The following ANKRD17 variants were observed in gnomAD, a reference collection of about 807,000 sequenced individuals.
ANKRD17 encodes the protein ankyrin repeat domain-containing protein 17.
Under a neutral mutation model 229.7 loss-of-function variants are expected in ANKRD17, and 19 were observed. The observed-to-expected ratio is 0.08, with a 90% CI of 0.06 to 0.12. The LOEUF (loss-of-function observed/expected upper bound fraction) is 0.12, where lower values mean the gene tolerates loss of function less well. ANKRD17 is among the 10% of genes least tolerant of loss of function. The pLI is 1.00. For synonymous variants in ANKRD17, 1,112 were observed against 1,146.1 expected (o/e 0.97, Z 0.60); for missense variants, 2,176 against 3,176.8 (o/e 0.68, Z 7.57).
At chr4:73,113,371 CA>C in intron 24 of ANKRD17, 1 of 1,289,606 alleles carries the variant, frequency 7.8e-7, no homozygotes, top group Non-Finnish European at 1.0e-6. Context: ...TTTGACATTC[CA>C]AGATTTGTAT....
intron 1 of ANKRD17, among the ~76,000 whole-genome samples, chr4:73,217,317 A>T (rs772228032): frequency 6.6e-5 from 10 of 152,138 alleles, no homozygotes; most frequent in Non-Finnish European, 1.2e-4. Context: ...CTTTACAGGG[A>T]TTAACTAACA....
chr4:73,239,947 T>C (rs894169605), intron 1 of ANKRD17, among the ~76,000 whole-genome samples: 6 of 152,232 alleles, frequency 3.9e-5, no homozygotes, highest in African/African-American at 1.4e-4. Flanking sequence ...ATCTACATTG[T>C]ATCTTATACA....
chr4:73,093,992 A>G, intron 28 of ANKRD17, 87 bp downstream of exon 28: 1 of 1,279,978 alleles, frequency 7.8e-7, no homozygotes, highest in South Asian at 1.4e-5. Flanking sequence ...TGTAACACAA[A>G]GTTCCACTGA....
chr4:73,240,944 G>T (rs1743971946), intron 1 of ANKRD17, among the ~76,000 whole-genome samples: 1 of 151,546 alleles, frequency 6.6e-6, no homozygotes, highest in Non-Finnish European at 1.5e-5. Context: ...GAGTAGCTGG[G>T]ACTACAGGAG....
At chr4:73,163,029 CTTTTTTT>C (rs769597979) in intron 2 of ANKRD17, among the ~76,000 whole-genome samples, 1 of 135,826 alleles carries the variant, frequency 7.4e-6, no homozygotes, top group Non-Finnish European at 1.6e-5. Flanking sequence ...TGGCTAATTG[CTTTTTTT>C]TTTTTTTTTG....
chr4:73,129,188 A>G (rs1727859051), intron 16 of ANKRD17, among the ~76,000 whole-genome samples: 1 of 152,210 alleles, frequency 6.6e-6, no homozygotes, highest in Non-Finnish European at 1.5e-5. Flanking sequence ...ATGCCATAAT[A>G]TATACACCAT....
At chr4:73,218,402 G>C (rs1741383815) in intron 1 of ANKRD17, among the ~76,000 whole-genome samples, 1 of 152,096 alleles carries the variant, frequency 6.6e-6, no homozygotes, top group Admixed American at 6.5e-5. Context: ...GAGCACTTTG[G>C]GAGGCCGAGG....
intron 1 of ANKRD17, among the ~76,000 whole-genome samples, chr4:73,242,649 G>A (rs369635045): frequency 2.0e-5 from 3 of 152,182 alleles, no homozygotes; most frequent in African/African-American, 7.2e-5. Context: ...TCTTGAGAAA[G>A]AAGCTCAATG....
intron 24 of ANKRD17, among the ~76,000 whole-genome samples, chr4:73,105,843 C>T: frequency 6.6e-6 from 1 of 152,244 alleles, no homozygotes; most frequent in East Asian, 1.9e-4. Flanking sequence ...TCTGCCTTGA[C>T]TGAAGCTGTA....
intron 16 of ANKRD17, among the ~76,000 whole-genome samples, chr4:73,134,042 G>T (rs1728586749): frequency 6.6e-6 from 1 of 152,020 alleles, no homozygotes; most frequent in African/African-American, 2.4e-5. Flanking sequence ...ATAGTCCCTG[G>T]CAATTTTAAG....
At chr4:73,185,209 A>G (rs1199086092) in intron 1 of ANKRD17, among the ~76,000 whole-genome samples, 4 of 151,482 alleles carry the variant, frequency 2.6e-5, no homozygotes, top group Admixed American at 6.6e-5. Flanking sequence ...AATATTTAAA[A>G]AATAAATAAA....
chr4:73,258,071 G>A (rs959920765), intron 1 of ANKRD17, among the ~76,000 whole-genome samples: 1 of 150,800 alleles, frequency 6.6e-6, no homozygotes, highest in African/African-American at 2.4e-5. Flanking sequence ...GAACTCCGTG[G>A]TCCTCCCACC....
chr4:73,170,632 G>C (rs1490488694), intron 2 of ANKRD17, among the ~76,000 whole-genome samples: 1 of 151,766 alleles, frequency 6.6e-6, no homozygotes, highest in Admixed American at 6.6e-5. Flanking sequence ...TCCTGGGAGA[G>C]AGGGGGCCCA....
At chr4:73,102,575 T>A in intron 24 of ANKRD17, 28 bp from the exon 25 acceptor site, 1 of 1,579,670 alleles carries the variant, frequency 6.3e-7, no homozygotes, top group Non-Finnish European at 8.5e-7. Flanking sequence ...AGCAGAAATA[T>A]AACGTTGAAA....
At chr4:73,128,998 C>T (rs531417279) in intron 16 of ANKRD17, among the ~76,000 whole-genome samples, 1 of 152,140 alleles carries the variant, frequency 6.6e-6, no homozygotes, top group South Asian at 2.1e-4. Context: ...AGGCAAAGTA[C>T]CAATTAAAGG....
At position 73,076,247 on chromosome 4, in the gene ANKRD17, A is replaced by C; in HGVS notation, c.7796T>G (p.Met2599Arg). 1.2e-6 allele frequency: 2 copies of C among 1,611,576 alleles called. No homozygotes were observed. Among genetic ancestry groups the C allele is most frequent in the Non-Finnish European group, 1.7e-6 (2 of 1,178,906 alleles). The change falls in exon 34 of 34, where the codon ATG becomes AGG. Residue 2599 changes from methionine (M) to arginine (R), a missense_variant. Physicochemically the swap from Met to Arg is moderately conservative, Grantham distance 91. Transcript: ENST00000358602. ...PWAPHMNSVH[M>R]NQLG is the part of the protein sequence containing the mutation. ...TGATCCTCATCAGCCAAGCTGGTTC[A>C]TATGCACACTGTTCATGTGAGGTGC... is the stretch of plus-strand genomic sequence containing the variant.
intron 3 of ANKRD17, among the ~76,000 whole-genome samples, chr4:73,160,271 T>C (rs1211638972): frequency 7.2e-6 from 1 of 138,170 alleles, no homozygotes; most frequent in Non-Finnish European, 1.5e-5. Flanking sequence ...CAGGCTAAAG[T>C]GCAATGGCGC....
intron 1 of ANKRD17, among the ~76,000 whole-genome samples, chr4:73,231,427 GAT>G (rs1743031628): frequency 6.6e-6 from 1 of 152,130 alleles, no homozygotes; most frequent in South Asian, 2.1e-4. Context: ...CTGGTCTCAA[GAT>G]ATCTGTTACC....
intron 1 of ANKRD17, among the ~76,000 whole-genome samples, chr4:73,197,801 A>G (rs531725563): frequency 0.019 from 2,906 of 152,304 alleles, 94 homozygotes; most frequent in African/African-American, 0.066. Flanking sequence ...TGGGCAACAG[A>G]GCAAGAGCCT....
Sources: allele counts gnomAD v4.1 joint callset (sites outside exome capture counted in the v4.1 genomes callset), GRCh38; gene constraint gnomAD v4.1.1; transcripts MANE v1.5; gene names NCBI Gene and HGNC (gene_info 2026-07-23, HGNC 2026-07-21).